Variants in DENND1A observed in about 807,000 individuals in gnomAD.
DENND1A encodes DENN domain-containing protein 1A.
DENND1A carries 51 observed loss-of-function variants against 113.7 expected under a neutral mutation model. The observed-to-expected ratio is 0.45, with a 90% CI of 0.36 to 0.57. The LOEUF is 0.57. Ranked by LOEUF, DENND1A falls within the 20% of genes least tolerant of loss-of-function variation. The probability of loss-of-function intolerance (pLI) is 0.00; values close to 1 mark genes in which losing one functional copy is unlikely to be tolerated. For missense variants in DENND1A, 1,258 were observed against 1,395.9 expected (o/e 0.90, Z 1.57); for synonymous variants, 565 against 570.8 (o/e 0.99, Z 0.14).
chr9:123,914,950 AGCTCAGGAGCCAT>A (rs1854818389), intron 1 of DENND1A, among the ~76,000 whole-genome samples: 1 of 152,072 alleles, frequency 6.6e-6, no homozygotes, highest in Non-Finnish European at 1.5e-5. Flanking sequence ...CTGAGTCCCA[AGCTCAGGAGCCAT>A]GCTGATTATA....
intron 10 of DENND1A, among the ~76,000 whole-genome samples, chr9:123,623,729 C>T (rs778608338): frequency 2.6e-5 from 4 of 152,152 alleles, no homozygotes; most frequent in Non-Finnish European, 5.9e-5. Context: ...TTTCAGTATC[C>T]TACTTTTCAT....
At chr9:123,912,970 G>A (rs980544060) in intron 1 of DENND1A, among the ~76,000 whole-genome samples, 3 of 152,118 alleles carry the variant, frequency 2.0e-5, no homozygotes, top group Non-Finnish European at 2.9e-5. Flanking sequence ...CCACCCTACA[G>A]TGTAGTAACG....
chr9:123,462,192 A>G (rs1043670126), intron 13 of DENND1A, among the ~76,000 whole-genome samples: 2 of 152,246 alleles, frequency 1.3e-5, no homozygotes, highest in African/African-American at 4.8e-5. Flanking sequence ...CTCACCTTGT[A>G]AGACAAAGGC....
chr9:123,632,401 A>G (rs1279006196), intron 9 of DENND1A, among the ~76,000 whole-genome samples: 2 of 152,172 alleles, frequency 1.3e-5, no homozygotes, highest in African/African-American at 4.8e-5. Context: ...ATACAAAAAT[A>G]CACATATATA....
intron 13 of DENND1A, among the ~76,000 whole-genome samples, chr9:123,471,859 T>C (rs772116322): frequency 6.6e-6 from 1 of 152,170 alleles, no homozygotes; most frequent in Non-Finnish European, 1.5e-5. Flanking sequence ...ATCCAAGATA[T>C]GTCAGACGAT....
intron 8 of DENND1A, among the ~76,000 whole-genome samples, chr9:123,654,544 T>C (rs752277263): frequency 5.9e-5 from 9 of 152,142 alleles, no homozygotes; most frequent in Non-Finnish European, 1.2e-4. Context: ...GAAGGAAACA[T>C]TTCTGAAATA....
chr9:123,586,988 GCTCT>G (rs1210811166), intron 11 of DENND1A, among the ~76,000 whole-genome samples: 1 of 151,906 alleles, frequency 6.6e-6, no homozygotes, highest in African/African-American at 2.4e-5. Context: ...ATGCAACGGG[GCTCT>G]CTCTTTGTTC....
chr9:123,711,501 A>G (rs1304789555), intron 5 of DENND1A, among the ~76,000 whole-genome samples: 1 of 74,868 alleles, frequency 1.3e-5, no homozygotes. Flanking sequence ...ATATATATAT[A>G]TATGTATATA....
intron 2 of DENND1A, among the ~76,000 whole-genome samples, chr9:123,796,854 G>C (rs1833863286): frequency 6.6e-6 from 1 of 151,578 alleles, no homozygotes; most frequent in Admixed American, 6.6e-5. Flanking sequence ...AAGAGTCAAG[G>C]CATGACATAT....
intron 12 of DENND1A, among the ~76,000 whole-genome samples, chr9:123,558,475 T>C (rs779503850): frequency 4.6e-5 from 7 of 152,162 alleles, no homozygotes; most frequent in South Asian, 2.1e-4. Context: ...ACGTAATACA[T>C]TTGGTATATA....
intron 3 of DENND1A, among the ~76,000 whole-genome samples, chr9:123,775,632 A>G (rs1404177975): frequency 6.6e-6 from 1 of 152,248 alleles, no homozygotes. Context: ...CAGATGGGCA[A>G]CTTTTCTGCT....
intron 1 of DENND1A, among the ~76,000 whole-genome samples, chr9:123,923,030 C>A (rs1004401045): frequency 5.9e-5 from 9 of 152,156 alleles, no homozygotes; most frequent in Admixed American, 4.6e-4. Flanking sequence ...CTACAAAGCC[C>A]CTTTAAGCAA....
intron 5 of DENND1A, among the ~76,000 whole-genome samples, chr9:123,734,937 G>T: frequency 6.6e-6 from 1 of 152,094 alleles, no homozygotes; most frequent in East Asian, 1.9e-4. Context: ...AGCATCATAC[G>T]TTATGATTTG....
intron 2 of DENND1A, among the ~76,000 whole-genome samples, chr9:123,841,270 A>G (rs1368814373): frequency 1.3e-5 from 2 of 152,234 alleles, no homozygotes; most frequent in Non-Finnish European, 2.9e-5. Flanking sequence ...ATGCACCCTT[A>G]AATACCATGA....
rs531771552 is a variant in DENND1A at position 123,589,311 on chromosome 9, G to A, written c.766-6041C>T. On this transcript the variant is annotated intron_variant, in intron 11 of 23. Transcript: ENST00000394215. The stretch of plus-strand genomic sequence containing the variant: ...TGCTTTAGGATGCATTCCTAGAAGT[G>A]GAATTTAGTTTCCACTTCTTAAAAA... 2.0e-5 allele frequency among the ~76,000 whole-genome samples: 3 copies of A among 151,856 alleles called. No homozygotes were observed. In the South Asian group the frequency reaches 6.3e-4, roughly 32 times the overall value.
chr9:123,776,235 T>C (rs1334244259), intron 3 of DENND1A, among the ~76,000 whole-genome samples: 1 of 152,174 alleles, frequency 6.6e-6, no homozygotes, highest in Non-Finnish European at 1.5e-5. Flanking sequence ...CAAGGTATGA[T>C]TGAGCATTCA....
At chr9:123,667,407 G>T (rs1214116672) in intron 7 of DENND1A, among the ~76,000 whole-genome samples, 1 of 152,164 alleles carries the variant, frequency 6.6e-6, no homozygotes, top group Non-Finnish European at 1.5e-5. Context: ...ATGAGGTCAG[G>T]AGTTCGAGAC....
chr9:123,538,809 CATATATATATATATATATATATAT>C (rs35223887), intron 13 of DENND1A, among the ~76,000 whole-genome samples: 578 of 22,498 alleles, frequency 0.026, 28 homozygotes, highest in African/African-American at 0.084. Context: ...ACAACTCATA[CATATATATATATATATATATATAT>C]ATATATATAT....
intron 5 of DENND1A, among the ~76,000 whole-genome samples, chr9:123,703,285 C>T (rs1010304384): frequency 5.3e-5 from 8 of 152,222 alleles, no homozygotes; most frequent in South Asian, 2.1e-4. Context: ...AAAATAACTA[C>T]GATAATTTGT....
Sources: gnomAD v4.1 joint callset for allele counts (sites outside exome capture counted in the v4.1 genomes callset) on GRCh38, gnomAD v4.1.1 for gene constraint, MANE v1.5 for transcripts, NCBI Gene and HGNC (gene_info 2026-07-23, HGNC 2026-07-21) for gene names.